Variants in REPS2 observed in about 807,000 individuals in gnomAD.
REPS2 encodes ralBP1-associated Eps domain-containing protein 2.
Under a neutral mutation model 53.6 loss-of-function variants are expected in REPS2, and 23 were observed. That is an observed-to-expected ratio of 0.43 (90% confidence interval 0.31 to 0.61). The LOEUF is 0.61. Among genes scored for constraint, REPS2 ranks in the 20% least tolerant of loss-of-function variants. REPS2 has a pLI of 0.11. For missense variants in REPS2, 446 were observed against 534.9 expected, an observed-to-expected ratio of 0.83 and a Z score of 1.64; for synonymous variants, 238 against 218.6, an observed-to-expected ratio of 1.09 and a Z score of -0.78.
the REPS2 span, among the ~76,000 whole-genome samples, chrX:17,187,909 G>GT: frequency 1.8e-5 from 2 of 112,611 alleles, no homozygotes; most frequent in Admixed American, 9.4e-5. Context: ...CTGGTTTTAT[G>GT]TTTTTTCTAA....
chrX:16,972,814 A>G (rs1169756152), intron 1 of REPS2, among the ~76,000 whole-genome samples: 1 of 111,882 alleles, frequency 8.9e-6, no homozygotes, highest in African/African-American at 3.2e-5. Flanking sequence ...TTACAAAAAT[A>G]GTAGCATTCC....
intron 14 of REPS2, among the ~76,000 whole-genome samples, chrX:17,119,425 G>A (rs1309929951): frequency 8.9e-6 from 1 of 112,017 alleles, no homozygotes; most frequent in Non-Finnish European, 1.9e-5. Context: ...CCATGCTATT[G>A]TTATATAAAG....
At chrX:17,047,068 A>G (rs1372975808) in intron 5 of REPS2, among the ~76,000 whole-genome samples, 1 of 112,385 alleles carries the variant, frequency 8.9e-6, no homozygotes, top group Non-Finnish European at 1.9e-5. Context: ...CTTTTTTTAA[A>G]CCCTTTATTA....
the REPS2 span, among the ~76,000 whole-genome samples, chrX:17,172,975 A>G: frequency 0.033 from 3,263 of 99,281 alleles, 142 homozygotes; most frequent in African/African-American, 0.11. Context: ...GTGTGTATGT[A>G]TGTGTGTGTG....
the REPS2 span, among the ~76,000 whole-genome samples, chrX:17,188,261 C>T: frequency 8.9e-6 from 1 of 112,746 alleles, no homozygotes; most frequent in Non-Finnish European, 1.9e-5. Context: ...CTCTTAGGAG[C>T]TTCACTATTT....
the REPS2 span, among the ~76,000 whole-genome samples, chrX:17,163,532 C>T: frequency 9.0e-6 from 1 of 111,644 alleles, no homozygotes; most frequent in Non-Finnish European, 1.9e-5. Context: ...ACTAAGACAC[C>T]TCATAATCAA....
chrX:17,079,249 C>G (rs1235322834), intron 13 of REPS2, among the ~76,000 whole-genome samples: 2 of 111,565 alleles, frequency 1.8e-5, no homozygotes, highest in African/African-American at 6.5e-5. Context: ...CATGTAAGGC[C>G]CATATTCCCG....
chrX:16,981,780 C>T (rs1475825426), intron 1 of REPS2, among the ~76,000 whole-genome samples: 6 of 112,008 alleles, frequency 5.4e-5, no homozygotes, highest in African/African-American at 1.3e-4. Context: ...ATTTCTATTC[C>T]GGTAACATTT....
At chrX:17,190,070 T>A in the REPS2 span, among the ~76,000 whole-genome samples, 1 of 112,249 alleles carries the variant, frequency 8.9e-6, no homozygotes, top group Non-Finnish European at 1.9e-5. Context: ...GTATGCCGTA[T>A]GGGAGATGGA....
intron 16 of REPS2, 56 bp downstream of exon 16, chrX:17,135,462 G>A: frequency 1.9e-5 from 21 of 1,132,196 alleles, no homozygotes; most frequent in Non-Finnish European, 1.7e-5. Flanking sequence ...AGATGTCGAC[G>A]GATATGTAAA....
At chrX:17,079,206 T>C (rs1488935619) in intron 13 of REPS2, among the ~76,000 whole-genome samples, 8 of 112,175 alleles carry the variant, frequency 7.1e-5, no homozygotes, top group Non-Finnish European at 1.5e-4. Context: ...ACTCAACCTG[T>C]AGTACTGTAT....
At position 17,103,172 on chromosome X, in the gene REPS2, T is replaced by C. The variant is rs770636099; in HGVS notation, c.1517-546T>C. ...GGAGAGAAAAAGAAATTGAGGTCTT[T>C]GAAGAATCCCTAAATATCATTTCAG... On this transcript the variant is annotated intron_variant, in intron 13 of 17. Transcript: ENST00000357277. Among the ~76,000 whole-genome samples the C allele has an allele frequency of 4.5e-5, 5 of 111,972 alleles. No individual in the cohort carries two copies. The East Asian group carries it at 1.4e-3, about 31-fold the overall frequency.
At chrX:16,977,813 G>T (rs1392562300) in intron 1 of REPS2, among the ~76,000 whole-genome samples, 1 of 111,024 alleles carries the variant, frequency 9.0e-6, no homozygotes, top group Non-Finnish European at 1.9e-5. Flanking sequence ...AGTGGCTTAG[G>T]ATAACCATTT....
chrX:17,194,346 A>G, the REPS2 span, among the ~76,000 whole-genome samples: 1 of 111,614 alleles, frequency 9.0e-6, no homozygotes, highest in African/African-American at 3.3e-5. Flanking sequence ...CTACAGGTGA[A>G]TGATTAAACA....
chrX:16,968,916 C>T (rs1367552696), intron 1 of REPS2, among the ~76,000 whole-genome samples: 4 of 110,431 alleles, frequency 3.6e-5, no homozygotes, highest in Admixed American at 2.8e-4. Context: ...GGAGGGGCTC[C>T]TCACTTCTCA....
chrX:17,115,449 C>T (rs892652227), intron 14 of REPS2, among the ~76,000 whole-genome samples: 3 of 112,189 alleles, frequency 2.7e-5, no homozygotes, highest in African/African-American at 9.7e-5. Context: ...GGTTTTATAC[C>T]GAGACATTCC....
intron 14 of REPS2, among the ~76,000 whole-genome samples, chrX:17,126,006 C>A (rs766237449): frequency 8.9e-6 from 1 of 111,964 alleles, no homozygotes; most frequent in Non-Finnish European, 1.9e-5. Flanking sequence ...GTAAAGCTAA[C>A]CTGCCTCAGT....
chrX:17,037,892 G>A (rs1456104292), intron 5 of REPS2, among the ~76,000 whole-genome samples: 1 of 111,342 alleles, frequency 9.0e-6, no homozygotes, highest in African/African-American at 3.3e-5. Flanking sequence ...CTTGATCTCA[G>A]GCGAGCAGGG....
chrX:16,969,185 G>A (rs866637591), intron 1 of REPS2, among the ~76,000 whole-genome samples: 229 of 109,051 alleles, frequency 2.1e-3, no homozygotes, highest in South Asian at 6.2e-3. Flanking sequence ...GGGAAGAGGC[G>A]CTCCTCACTT....
Sources: gnomAD v4.1 joint callset for allele counts (sites outside exome capture counted in the v4.1 genomes callset) on GRCh38, gnomAD v4.1.1 for gene constraint, MANE v1.5 for transcripts, NCBI Gene and HGNC (gene_info 2026-07-23, HGNC 2026-07-21) for gene names.